The following SYNDIG1L variants were observed in gnomAD, a reference collection of about 807,000 sequenced individuals.
SYNDIG1L encodes synapse differentiation-inducing gene protein 1-like.
In SYNDIG1L, 13 loss-of-function variants were observed where a neutral mutation model predicts 20.1. That is an observed-to-expected ratio of 0.65 (90% CI 0.42 to 1.03). SYNDIG1L has a LOEUF of 1.03. Ranked by LOEUF, SYNDIG1L falls within the 50% of genes least tolerant of loss-of-function variation. The probability of loss-of-function intolerance (pLI) is 0.00; values close to 1 mark genes in which losing one functional copy is unlikely to be tolerated. For synonymous variants in SYNDIG1L, 128 were observed against 129.3 expected (o/e 0.99, Z 0.07); for missense variants, 294 against 305.1 (o/e 0.96, Z 0.27).
the SYNDIG1L span, among the ~76,000 whole-genome samples, chr14:74,466,435 T>C: frequency 2.0e-5 from 3 of 152,168 alleles, no homozygotes; most frequent in Non-Finnish European, 2.9e-5. Context: ...AATTGGTCCA[T>C]TGACCAAGGC....
the SYNDIG1L span, among the ~76,000 whole-genome samples, chr14:74,440,516 TAA>T: frequency 2.0e-4 from 19 of 97,192 alleles, no homozygotes; most frequent in African/African-American, 1.4e-4. Flanking sequence ...CTCCGTCTCA[TAA>T]AAAAAAAAAA....
intron 2 of SYNDIG1L, among the ~76,000 whole-genome samples, chr14:74,408,563 CAA>C (rs758108537): frequency 0.018 from 1,207 of 66,136 alleles, 20 homozygotes; most frequent in African/African-American, 0.058. Flanking sequence ...GACTCCATCT[CAA>C]AAAAAAAAAA....
At chr14:74,438,860 T>C in the SYNDIG1L span, among the ~76,000 whole-genome samples, 1 of 152,240 alleles carries the variant, frequency 6.6e-6, no homozygotes, top group Non-Finnish European at 1.5e-5. Flanking sequence ...AAGGCAGTAC[T>C]ATTCCATTTT....
the SYNDIG1L span, among the ~76,000 whole-genome samples, chr14:74,436,619 C>T: frequency 5.9e-5 from 9 of 151,794 alleles, no homozygotes; most frequent in Non-Finnish European, 1.0e-4. Flanking sequence ...GGGGCCGAGG[C>T]GGGCGGATCT....
At chr14:74,412,457 TC>T (rs2086139167) in intron 1 of SYNDIG1L, among the ~76,000 whole-genome samples, 1 of 152,172 alleles carries the variant, frequency 6.6e-6, no homozygotes, top group Non-Finnish European at 1.5e-5. Flanking sequence ...CCTCTCAGTT[TC>T]CCCAGTGAGT....
At chr14:74,417,090 A>G (rs1393777266) in intron 1 of SYNDIG1L, among the ~76,000 whole-genome samples, 1 of 152,222 alleles carries the variant, frequency 6.6e-6, no homozygotes, top group Non-Finnish European at 1.5e-5. Context: ...ATCTCATTTA[A>G]TCCATCCTCT....
chr14:74,451,686 T>C, the SYNDIG1L span, among the ~76,000 whole-genome samples: 1 of 152,160 alleles, frequency 6.6e-6, no homozygotes, highest in African/African-American at 2.4e-5. Flanking sequence ...AGTACTTCTA[T>C]GTGCAATATA....
At chr14:74,435,648 C>A in the SYNDIG1L span, among the ~76,000 whole-genome samples, 3 of 152,176 alleles carry the variant, frequency 2.0e-5, no homozygotes, top group Admixed American at 1.3e-4. Flanking sequence ...GTAATAAGTT[C>A]TATTTTTGTA....
intron 1 of SYNDIG1L, among the ~76,000 whole-genome samples, chr14:74,419,394 A>G (rs116326586): frequency 2.1e-3 from 324 of 152,334 alleles, no homozygotes; most frequent in African/African-American, 7.2e-3. Flanking sequence ...TAGACAGTGG[A>G]TCTCATGAAT....
the SYNDIG1L span, among the ~76,000 whole-genome samples, chr14:74,477,931 G>A: frequency 6.6e-6 from 1 of 152,212 alleles, no homozygotes; most frequent in Non-Finnish European, 1.5e-5. Context: ...TGTAGAAGAC[G>A]ACCTTTCAAA....
the SYNDIG1L span, among the ~76,000 whole-genome samples, chr14:74,439,443 A>G: frequency 1.3e-5 from 2 of 152,304 alleles, no homozygotes; most frequent in East Asian, 3.9e-4. Context: ...GCACAGTCTC[A>G]CTGTCATGAG....
chr14:74,418,347 T>C (rs1205744344), intron 1 of SYNDIG1L, among the ~76,000 whole-genome samples: 5 of 152,232 alleles, frequency 3.3e-5, no homozygotes, highest in Non-Finnish European at 5.9e-5. Flanking sequence ...AACTGAGCTT[T>C]CTTTGTCTCA....
At chr14:74,425,138 C>T (rs1338713142) in intron 1 of SYNDIG1L, among the ~76,000 whole-genome samples, 1 of 152,188 alleles carries the variant, frequency 6.6e-6, no homozygotes, top group East Asian at 1.9e-4. Context: ...CTCTGAAGAA[C>T]TAGAAGCACT....
chr14:74,409,834 G>A, intron 1 of SYNDIG1L, 33 bp from the exon 2 acceptor site: 2 of 1,334,182 alleles, frequency 1.5e-6, no homozygotes, highest in South Asian at 2.8e-5. Flanking sequence ...AAGCACTGAG[G>A]CCAGGGCACT....
chr14:74,473,599 T>A, the SYNDIG1L span, among the ~76,000 whole-genome samples: 2 of 152,196 alleles, frequency 1.3e-5, no homozygotes, highest in Non-Finnish European at 2.9e-5. Flanking sequence ...CATGTGACTA[T>A]CATGGCTTTG....
intron 1 of SYNDIG1L, among the ~76,000 whole-genome samples, chr14:74,424,132 C>T (rs941026537): frequency 3.9e-5 from 6 of 152,104 alleles, no homozygotes; most frequent in African/African-American, 1.2e-4. Context: ...TTGATAAAGC[C>T]GGCATCCTGT....
the SYNDIG1L span, among the ~76,000 whole-genome samples, chr14:74,470,279 C>A: frequency 6.6e-6 from 1 of 152,174 alleles, no homozygotes; most frequent in Non-Finnish European, 1.5e-5. Flanking sequence ...GCCCCTGCTT[C>A]CAAGCCACAT....
intron 1 of SYNDIG1L, among the ~76,000 whole-genome samples, chr14:74,423,693 T>TAC (rs10532344): frequency 1.9e-4 from 29 of 151,356 alleles, no homozygotes; most frequent in East Asian, 1.6e-3. Context: ...GATATATATA[T>TAC]ACACACACAC....
chr14:74,474,806 AC>A, the SYNDIG1L span: 3 of 152,044 alleles, frequency 2.0e-5, no homozygotes, highest in African/African-American at 7.3e-5. Flanking sequence ...GCCCACTGTT[AC>A]TCTTTTCTTC....
Sources: gnomAD v4.1 joint callset for allele counts (sites outside exome capture counted in the v4.1 genomes callset) on GRCh38, gnomAD v4.1.1 for gene constraint, MANE v1.5 for transcripts, NCBI Gene and HGNC (gene_info 2026-07-23, HGNC 2026-07-21) for gene names.